Variants in ULK4 observed in about 807,000 individuals in gnomAD.
The protein encoded by ULK4 is unc-51 like kinase 4, also known as inactive serine/threonine-protein kinase ULK4.
Under a neutral mutation model 160.6 loss-of-function variants are expected in ULK4, and 133 were observed. The ratio of observed to expected loss-of-function variants is 0.83; its 90% CI spans 0.72 to 0.96. The LOEUF (loss-of-function observed/expected upper bound fraction) is 0.96. Ranked by LOEUF, ULK4 falls within the 40% of genes least tolerant of loss-of-function variation. ULK4 has a pLI of 0.00. For missense variants in ULK4, 1,580 were observed against 1,499.5 expected, an observed-to-expected ratio of 1.05 and a Z score of -0.89; for synonymous variants, 534 against 539.8, an observed-to-expected ratio of 0.99 and a Z score of 0.15.
At chr3:41,508,616 C>T (rs1037994474) in intron 32 of ULK4, among the ~76,000 whole-genome samples, 6 of 152,114 alleles carry the variant, frequency 3.9e-5, no homozygotes, top group South Asian at 2.1e-4. Flanking sequence ...TATTCACAGC[C>T]GAAAGACATA....
intron 35 of ULK4, among the ~76,000 whole-genome samples, chr3:41,284,203 C>T (rs1185586646): frequency 6.6e-6 from 1 of 152,094 alleles, no homozygotes; most frequent in Non-Finnish European, 1.5e-5. Flanking sequence ...CAATCCTCAT[C>T]AAAATTCCAC....
intron 32 of ULK4, among the ~76,000 whole-genome samples, chr3:41,554,546 C>T (rs151052560): frequency 2.6e-5 from 4 of 152,016 alleles, no homozygotes; most frequent in Admixed American, 6.6e-5. Flanking sequence ...TTACCAGAGG[C>T]TGGGAGGGTA....
At chr3:41,859,803 G>A (rs1048803875) in intron 17 of ULK4, among the ~76,000 whole-genome samples, 2 of 149,554 alleles carry the variant, frequency 1.3e-5, no homozygotes, top group Non-Finnish European at 3.0e-5. Context: ...GATTACAGGT[G>A]CACGCCACCA....
At chr3:41,803,968 C>G (rs1252737034) in intron 19 of ULK4, among the ~76,000 whole-genome samples, 4 of 152,088 alleles carry the variant, frequency 2.6e-5, no homozygotes, top group East Asian at 1.9e-4. Context: ...GTCTTTATAG[C>G]AGCATGATTT....
intron 35 of ULK4, among the ~76,000 whole-genome samples, chr3:41,345,755 C>T (rs1228044642): frequency 6.6e-6 from 1 of 152,126 alleles, no homozygotes; most frequent in Non-Finnish European, 1.5e-5. Context: ...AAAACCTGCA[C>T]ATCCTGCACA....
chr3:41,744,345 T>TA (rs570256588), intron 22 of ULK4, among the ~76,000 whole-genome samples: 114 of 151,844 alleles, frequency 7.5e-4, no homozygotes, highest in Admixed American at 1.4e-3. Context: ...AAGTTTAAAG[T>TA]AAAAAAATGA....
chr3:41,339,346 C>T (rs1446882568), intron 35 of ULK4, among the ~76,000 whole-genome samples: 2 of 152,128 alleles, frequency 1.3e-5, no homozygotes, highest in East Asian at 3.9e-4. Context: ...ACACAATGCC[C>T]CTTGCCAATG....
intron 21 of ULK4, among the ~76,000 whole-genome samples, chr3:41,764,647 C>T (rs979301660): frequency 7.2e-5 from 11 of 152,130 alleles, no homozygotes; most frequent in Non-Finnish European, 1.3e-4. Context: ...GATAATAGTG[C>T]ACTTGAATAA....
At chr3:41,683,016 C>T (rs2035971709) in intron 27 of ULK4, among the ~76,000 whole-genome samples, 1 of 152,094 alleles carries the variant, frequency 6.6e-6, no homozygotes, top group African/African-American at 2.4e-5. Context: ...GAAAAATCAA[C>T]AGTATTTATG....
At chr3:41,401,381 A>G (rs144848448) in intron 34 of ULK4, among the ~76,000 whole-genome samples, 152 of 152,300 alleles carry the variant, frequency 1.0e-3, no homozygotes, top group Non-Finnish European at 1.9e-3. Flanking sequence ...CTCCAGCACC[A>G]TTCTTGGAAA....
At chr3:41,475,305 A>C (rs2084106653) in intron 32 of ULK4, among the ~76,000 whole-genome samples, 1 of 152,242 alleles carries the variant, frequency 6.6e-6, no homozygotes. Flanking sequence ...AAAGAAGCAG[A>C]GAGTAGAATG....
intron 35 of ULK4, among the ~76,000 whole-genome samples, chr3:41,397,587 A>G (rs1347430032): frequency 1.3e-5 from 2 of 152,282 alleles, no homozygotes; most frequent in Non-Finnish European, 2.9e-5. Flanking sequence ...ATCTTCAAAA[A>G]TATCATGAAA....
intron 19 of ULK4, among the ~76,000 whole-genome samples, chr3:41,812,681 T>C (rs139455110): frequency 1.1e-3 from 171 of 152,254 alleles, no homozygotes; most frequent in Non-Finnish European, 2.2e-3. Flanking sequence ...GCCAATGATC[T>C]TCCATGTGTT....
chr3:41,433,728 C>CTT (rs10636463), intron 34 of ULK4, among the ~76,000 whole-genome samples: 85,312 of 151,198 alleles, frequency 0.56, 25,203 homozygotes, highest in African/African-American at 0.76. Flanking sequence ...AAATCCCAAA[C>CTT]TTTTTTTTTG....
At chr3:41,888,051 C>T (rs1194266119) in intron 16 of ULK4, among the ~76,000 whole-genome samples, 1 of 151,814 alleles carries the variant, frequency 6.6e-6, no homozygotes, top group Non-Finnish European at 1.5e-5. Flanking sequence ...TAACATGCAC[C>T]TGTAGTCCCA....
chr3:41,317,643 T>C (rs2080171515), intron 35 of ULK4, among the ~76,000 whole-genome samples: 1 of 152,208 alleles, frequency 6.6e-6, no homozygotes, highest in South Asian at 2.1e-4. Context: ...CAATCATTTT[T>C]CTCTTGGTCA....
intron 30 of ULK4, among the ~76,000 whole-genome samples, chr3:41,623,233 C>A (rs531641680): frequency 6.6e-6 from 1 of 152,078 alleles, no homozygotes; most frequent in African/African-American, 2.4e-5. Context: ...ATTTTAACAT[C>A]TGGCCTCCCA....
intron 33 of ULK4, among the ~76,000 whole-genome samples, chr3:41,460,322 T>C (rs986607260): frequency 6.6e-6 from 1 of 152,176 alleles, no homozygotes; most frequent in African/African-American, 2.4e-5. Context: ...GAATAATAAA[T>C]ATTTGTCTTC....
chr3:41,364,564 G>C (rs963141204), intron 35 of ULK4, among the ~76,000 whole-genome samples: 2 of 151,726 alleles, frequency 1.3e-5, no homozygotes, highest in Non-Finnish European at 2.9e-5. Context: ...CTCTCCATTT[G>C]TGAATTCTTT....
Sources: allele counts gnomAD v4.1 joint callset (sites outside exome capture counted in the v4.1 genomes callset), GRCh38; gene constraint gnomAD v4.1.1; transcripts MANE v1.5; gene names NCBI Gene and HGNC (gene_info 2026-07-23, HGNC 2026-07-21).